The following KIAA1671 variants were observed in gnomAD, a reference collection of about 807,000 sequenced individuals.
KIAA1671 encodes the protein KIAA1671.
KIAA1671 carries 52 observed loss-of-function variants against 131.2 expected under a neutral mutation model. That is an observed-to-expected ratio of 0.40 (90% CI 0.32 to 0.50). The LOEUF (loss-of-function observed/expected upper bound fraction) is 0.50, where lower values mean the gene tolerates loss of function less well. Among genes scored for constraint, KIAA1671 ranks in the 20% least tolerant of loss-of-function variants. The pLI is 0.73. For missense variants in KIAA1671, 2,360 were observed against 2,364.2 expected (o/e 1.00, Z 0.04); for synonymous variants, 1,003 against 961.6 (o/e 1.04, Z -0.80).
At chr22:25,111,065 G>A (rs1207488178) in intron 6 of KIAA1671, 1 of 152,532 alleles carries the variant, frequency 6.6e-6, no homozygotes, top group East Asian at 1.9e-4. Context: ...CAGGGAGAGG[G>A]AGGAGAGCGA....
chr22:24,969,600 T>A (rs1368455114), intron 1 of KIAA1671, among the ~76,000 whole-genome samples: 2 of 152,264 alleles, frequency 1.3e-5, no homozygotes, highest in Admixed American at 1.3e-4. Flanking sequence ...GGAGATAAAA[T>A]CCATAATCCC....
At chr22:25,154,002 G>T (rs918664128) in intron 6 of KIAA1671, among the ~76,000 whole-genome samples, 5 of 152,164 alleles carry the variant, frequency 3.3e-5, no homozygotes, top group Non-Finnish European at 1.5e-5. Context: ...TCTTTTCTTC[G>T]CTGCTTCAGG....
chr22:25,037,903 G>A (rs1373249613), intron 4 of KIAA1671, among the ~76,000 whole-genome samples: 4 of 151,902 alleles, frequency 2.6e-5, no homozygotes, highest in East Asian at 1.9e-4. Flanking sequence ...GCAGTGGCAC[G>A]ACCTCGGCTC....
chr22:25,134,879 A>G (rs1391753215), intron 6 of KIAA1671, among the ~76,000 whole-genome samples: 3 of 152,242 alleles, frequency 2.0e-5, no homozygotes, highest in African/African-American at 4.8e-5. Flanking sequence ...ATATACAGGC[A>G]GACCTGATGT....
chr22:25,186,088 T>C (rs1471343830), intron 11 of KIAA1671: 3 of 152,284 alleles, frequency 2.0e-5, no homozygotes, highest in Non-Finnish European at 4.4e-5. Flanking sequence ...CACAGCCACA[T>C]GCATTCATTT....
chr22:25,190,752 G>C lies in KIAA1671; in HGVS notation c.5393G>C (p.Arg1798Thr). 6.4e-7 allele frequency: 1 copy of C among 1,551,894 alleles called. No homozygotes were observed. Among genetic ancestry groups the C allele is most frequent in the Non-Finnish European group, 8.7e-7 (1 of 1,146,952 alleles). Residue 1798 changes from arginine to threonine, a missense_variant, in exon 12 of 13, where the codon AGG becomes ACG. By Grantham distance (71) the Arg-to-Thr change is moderately conservative. Transcript: ENST00000358431. ...QWLKELKSKK[R>T]QSLYENQV Reference sequence around the variant, plus strand: ...CTAAAGGAATTGAAATCCAAGAAGAGGCAAAGTCTTTATGAGAACCAAGTT... The same window carrying C: ...CTAAAGGAATTGAAATCCAAGAAGACGCAAAGTCTTTATGAGAACCAAGTT...
At chr22:25,152,346 C>T (rs908984325) in intron 6 of KIAA1671, among the ~76,000 whole-genome samples, 1 of 152,146 alleles carries the variant, frequency 6.6e-6, no homozygotes, top group Admixed American at 6.6e-5. Context: ...GTTTAAAAGT[C>T]CATTTTCATG....
At chr22:25,024,233 A>G (rs1250537156) in intron 1 of KIAA1671, 2 of 152,172 alleles carry the variant, frequency 1.3e-5, no homozygotes, top group African/African-American at 4.8e-5. Context: ...GTGGGGTGAC[A>G]TTTGTGTACC....
At chr22:25,152,253 G>A (rs1166751132) in intron 6 of KIAA1671, among the ~76,000 whole-genome samples, 3 of 152,150 alleles carry the variant, frequency 2.0e-5, no homozygotes, top group African/African-American at 4.8e-5. Flanking sequence ...TGCATAATCA[G>A]AACAACTTTT....
rs921531427 is a variant in KIAA1671, at chr22:25,174,301, C to T, written c.4711C>T (p.Arg1571Cys). 5.2e-6 allele frequency: 8 copies of T among 1,551,830 alleles called. No homozygotes were observed. The highest frequency in any genetic ancestry group is 2.0e-5 in the Admixed American group (1 of 51,014). The part of the protein sequence containing the change: ...TSTRKQPPSS[R>C]LSSLSSQTEP... Reference sequence around the variant, plus strand: ...GACAAGGAAACAGCCCCCCAGCAGCCGTTTGTCTTCTCTGTCCTCCCAAAC... The same window carrying T: ...GACAAGGAAACAGCCCCCCAGCAGCTGTTTGTCTTCTCTGTCCTCCCAAAC... The change falls in exon 8 of 13, where the codon CGT becomes TGT. Residue 1571 changes from arginine (R) to cysteine (C), a missense_variant. By Grantham distance (180) the Arg-to-Cys change is radical. Around this residue, in one of 3 missense-constraint regions of KIAA1671, gnomAD observed 1,161 missense variants for 1,204.7 expected, o/e 0.96. Coordinates refer to ENST00000358431, the MANE Select transcript of KIAA1671 (RefSeq NM_001145206.2).
At chr22:24,979,959 C>A (rs893309776) in intron 1 of KIAA1671, among the ~76,000 whole-genome samples, 1 of 151,798 alleles carries the variant, frequency 6.6e-6, no homozygotes, top group East Asian at 1.9e-4. Context: ...TGTAAGAATT[C>A]CCTTCTCTTT....
chr22:25,127,708 A>G (rs533333508), intron 6 of KIAA1671, among the ~76,000 whole-genome samples: 3 of 152,214 alleles, frequency 2.0e-5, no homozygotes, highest in East Asian at 3.8e-4. Context: ...GAGATTTTTC[A>G]TATGCTATGT....
At chr22:25,127,310 A>G (rs1258384897) in intron 6 of KIAA1671, among the ~76,000 whole-genome samples, 2 of 152,154 alleles carry the variant, frequency 1.3e-5, no homozygotes, top group South Asian at 2.1e-4. Flanking sequence ...CTTTTGCACA[A>G]GCTGTTCCCT....
intron 4 of KIAA1671, among the ~76,000 whole-genome samples, chr22:25,037,372 ATGTATATATG>A (rs1215123382): frequency 1.5e-5 from 2 of 136,602 alleles, no homozygotes; most frequent in South Asian, 2.1e-4. Context: ...ATGTGTATAT[ATGTATATATG>A]TGTATATATG....
At chr22:25,097,100 A>T (rs925556371) in intron 6 of KIAA1671, among the ~76,000 whole-genome samples, 2 of 152,216 alleles carry the variant, frequency 1.3e-5, no homozygotes, top group Non-Finnish European at 2.9e-5. Flanking sequence ...CTTTGTATGG[A>T]CAAATGCTCT....
intron 8 of KIAA1671, chr22:25,176,631 G>A (rs1003953606): frequency 6.6e-6 from 1 of 152,216 alleles, no homozygotes; most frequent in East Asian, 1.9e-4. Flanking sequence ...AGCAGGGTTT[G>A]AACCCCAGCT....
chr22:24,991,932 G>A (rs1923861815), intron 1 of KIAA1671, among the ~76,000 whole-genome samples: 1 of 152,144 alleles, frequency 6.6e-6, no homozygotes, highest in African/African-American at 2.4e-5. Flanking sequence ...TTCCTCTGGT[G>A]TGGGGAGGTT....
intron 4 of KIAA1671, among the ~76,000 whole-genome samples, chr22:25,037,874 C>T (rs773509329): frequency 2.0e-5 from 3 of 152,144 alleles, no homozygotes; most frequent in Non-Finnish European, 4.4e-5. Flanking sequence ...GAGACTCACT[C>T]TGTCACCCAG....
intron 1 of KIAA1671, among the ~76,000 whole-genome samples, chr22:24,974,522 C>T (rs1433198803): frequency 6.6e-6 from 1 of 152,046 alleles, no homozygotes; most frequent in African/African-American, 2.4e-5. Flanking sequence ...AATGCATGAG[C>T]TCCGTGTTTA....
Sources: gnomAD v4.1 joint callset for allele counts (sites outside exome capture counted in the v4.1 genomes callset) on GRCh38, gnomAD v4.1.1 for gene constraint, gnomAD v4.1.1 regional missense constraint, MANE v1.5 for transcripts, NCBI Gene and HGNC (gene_info 2026-07-23, HGNC 2026-07-21) for gene names.